PLA2G4D: variants seen among roughly 807,000 people sequenced by gnomAD.
The protein encoded by PLA2G4D is phospholipase A2 group IVD.
In PLA2G4D, 80 loss-of-function variants were observed where a neutral mutation model predicts 94.4. The ratio of observed to expected loss-of-function variants is 0.85; its 90% CI spans 0.71 to 1.02. The LOEUF (loss-of-function observed/expected upper bound fraction) is 1.02, where lower values mean the gene tolerates loss of function less well. Ranked by LOEUF, PLA2G4D falls within the 50% of genes least tolerant of loss-of-function variation. The pLI is 0.00. For synonymous variants in PLA2G4D, 438 were observed against 440.9 expected, an observed-to-expected ratio of 0.99 and a Z score of 0.08; for missense variants, 1,050 against 1,034.7, an observed-to-expected ratio of 1.01 and a Z score of -0.20.
intron 1 of PLA2G4D, among the ~76,000 whole-genome samples, chr15:42,088,014 G>C (rs1456731077): frequency 6.6e-6 from 1 of 152,196 alleles, no homozygotes; most frequent in African/African-American, 2.4e-5. Context: ...CCAAGGAGTG[G>C]CAACCACAGA....
At chr15:42,077,076 AT>A (rs34386951) in intron 13 of PLA2G4D, among the ~76,000 whole-genome samples, 49,129 of 152,060 alleles carry the variant, frequency 0.32, 8,635 homozygotes, top group Admixed American at 0.44. Context: ...AAGCAATGAG[AT>A]TGAAGCAGTA....
rs1052032334 is a variant in PLA2G4D at position 42,068,633 on chromosome 15, C to T, written c.*82G>A. 14 of 1,372,380 alleles carry T rather than the reference C, an allele frequency of 1.0e-5. No homozygotes were observed. Among genetic ancestry groups the T allele is most frequent in the Non-Finnish European group, 1.3e-5 (13 of 1,010,780 alleles). The allele number at this position is 1,372,380 out of a possible 1,614,324, so 85.0% of individuals were successfully genotyped here. Reference sequence around the variant, plus strand: ...GGCCTGGGAGAGCCCAGAACTCCAACCAGGAAGGCCTGTGGCTGAGCCCAG... The same window carrying T: ...GGCCTGGGAGAGCCCAGAACTCCAATCAGGAAGGCCTGTGGCTGAGCCCAG... On this transcript the variant is annotated 3_prime_UTR_variant, in exon 20 of 20. Coordinates refer to ENST00000290472, the MANE Select transcript of PLA2G4D (RefSeq NM_178034.4).
chr15:42,083,084 T>C, intron 8 of PLA2G4D, 114 bp downstream of exon 8: 1 of 1,410,442 alleles, frequency 7.1e-7, no homozygotes, highest in African/African-American at 1.4e-5. Context: ...TAGGGGAGGC[T>C]GACAAGGCCA....
rs149532774 is a variant in PLA2G4D, at chr15:42,085,961, G to A, written c.387+252C>T. Among the ~76,000 whole-genome samples the A allele has an allele frequency of 9.8e-5, 15 of 152,384 alleles. 1 individual carries two copies. In the East Asian group the frequency reaches 2.9e-3, roughly 29 times the overall value. ...GGCACCACCAGCAGGAGTGATGGAT[G>A]CTGAGCTGTGTTTTGAGGGGTGGCC... On this transcript the variant is annotated intron_variant, in intron 4 of 19. Transcript: ENST00000290472.
chr15:42,085,464 C>A, intron 5 of PLA2G4D, 27 bp downstream of exon 5: 1 of 1,613,466 alleles, frequency 6.2e-7, no homozygotes, highest in South Asian at 1.1e-5. Flanking sequence ...TCCTGAGACA[C>A]TCCCTGGGCT....
At position 42,081,474 on chromosome 15, in the gene PLA2G4D, C is replaced by T. The variant is rs745473758; in HGVS notation, c.957+5G>A. 16 of 1,613,144 alleles carry T rather than the reference C, an allele frequency of 9.9e-6. No homozygotes were observed. In the African/African-American group the frequency reaches 1.2e-4, roughly 12 times the overall value. Reference sequence around the variant, plus strand: ...CTGCACACACATCCCTCTGCACCCCCAGACCTCATCCTCCTGCAGGTCTCT... The same window carrying T: ...CTGCACACACATCCCTCTGCACCCCTAGACCTCATCCTCCTGCAGGTCTCT... On this transcript the variant is annotated splice_donor_5th_base_variant and intron_variant, in intron 11 of 19. Coordinates refer to ENST00000290472, the MANE Select transcript of PLA2G4D (RefSeq NM_178034.4).
rs1021459461 is a variant in PLA2G4D, at chr15:42,072,372, T to C, written c.1338A>G (p.Ser446=). The C allele has an allele frequency of 6.2e-7, 1 of 1,612,880 alleles. No individual in the cohort carries two copies. The highest frequency in any genetic ancestry group is 8.5e-7 in the Non-Finnish European group (1 of 1,179,954). ...LHGQVMDQKL[S]GQRAALERGQ... The stretch of plus-strand genomic sequence containing the variant: ...CCCGTTCCAGGGCGGCTCTCTGTCC[T>C]GACAGCTTCTGATCCATCACCTGGG... The change falls in exon 14 of 20, where the codon TCA becomes TCG. Residue 446 remains serine (S), a synonymous_variant. Transcript: ENST00000290472.
chr15:42,091,695 C>T (rs1486618288), intron 1 of PLA2G4D, among the ~76,000 whole-genome samples: 1 of 152,210 alleles, frequency 6.6e-6, no homozygotes, highest in Non-Finnish European at 1.5e-5. Context: ...CCCTGTGATG[C>T]TGTGCTTCAG....
chr15:42,075,934 G>A (rs934429091), intron 13 of PLA2G4D, among the ~76,000 whole-genome samples: 9 of 143,790 alleles, frequency 6.3e-5, no homozygotes, highest in Non-Finnish European at 1.2e-4. Context: ...GAGGGGAGGG[G>A]AGAGGAAGAA....
intron 1 of PLA2G4D, among the ~76,000 whole-genome samples, chr15:42,088,181 C>T (rs1463190426): frequency 6.6e-6 from 1 of 152,236 alleles, no homozygotes; most frequent in Non-Finnish European, 1.5e-5. Flanking sequence ...TGAGCCTCAG[C>T]AGCCCAGTCC....
intron 19 of PLA2G4D, 38 bp downstream of exon 19, chr15:42,069,871 G>A: frequency 7.3e-7 from 1 of 1,373,378 alleles, no homozygotes; most frequent in Non-Finnish European, 9.5e-7. Flanking sequence ...GCCTCTGAGG[G>A]GCCAGGCAGC....
chr15:42,090,182 T>A (rs913872630), intron 1 of PLA2G4D, among the ~76,000 whole-genome samples: 1 of 151,442 alleles, frequency 6.6e-6, no homozygotes, highest in African/African-American at 2.4e-5. Context: ...CTCTGTTTCC[T>A]CATGTGTAGT....
chr15:42,087,177 A>T, intron 3 of PLA2G4D, 123 bp downstream of exon 3: 16 of 1,301,164 alleles, frequency 1.2e-5, no homozygotes, highest in Non-Finnish European at 1.7e-5. Flanking sequence ...GCCAGGGCAC[A>T]GAGACCCCCT....
At chr15:42,080,417 G>T (rs1040062201) in intron 12 of PLA2G4D, among the ~76,000 whole-genome samples, 12 of 152,216 alleles carry the variant, frequency 7.9e-5, no homozygotes, top group Admixed American at 6.5e-4. Context: ...GCTGCGGGGT[G>T]AGGGCGTAGG....
rs1447131609 is a variant in PLA2G4D, at chr15:42,085,520, C to T, written c.399G>A (p.Glu133=). The T allele has an allele frequency of 1.2e-6, 2 of 1,613,646 alleles. No homozygotes were observed. The highest frequency in any genetic ancestry group is 1.7e-6 in the Non-Finnish European group (2 of 1,179,540). The change falls in exon 5 of 20, where the codon GAG becomes GAA. Residue 133 remains glutamate (E), a synonymous_variant. Transcript: ENST00000290472. The part of the protein sequence containing the change: ...TFSQSPQGEE[E]LDVEFLMEET... ...CTTCCATCAGGAACTCCACATCCAGCTCCTCCTCTCCCTGAAATCAGAGAG... is the reference window on the plus strand; with the variant it reads ...CTTCCATCAGGAACTCCACATCCAGTTCCTCCTCTCCCTGAAATCAGAGAG...
intron 13 of PLA2G4D, among the ~76,000 whole-genome samples, chr15:42,074,135 T>C (rs534629174): frequency 6.6e-6 from 1 of 152,332 alleles, no homozygotes; most frequent in African/African-American, 2.4e-5. Flanking sequence ...TGTGTCCTTT[T>C]ACTATAGTTG....
At position 42,085,134 on chromosome 15, in the gene PLA2G4D, C is replaced by G. The variant is rs780408877; in HGVS notation, c.433G>C (p.Asp145His). The G allele has an allele frequency of 6.2e-7, 1 of 1,614,228 alleles. No homozygotes were observed. Among genetic ancestry groups the G allele is most frequent in the South Asian group, 1.1e-5 (1 of 91,086 alleles). The change falls in exon 6 of 20, where the codon GAT becomes CAT. Residue 145 changes from aspartate to histidine, a missense_variant. Transcript: ENST00000290472. ...TTGGTGATGAGGTTTTCTGGGCGAT[C>G]TGACCTGGAAAAATCAAACCATGCA... ...DVEFLMEETSDRPENLITNKV... is the reference protein window; with the variant it reads ...DVEFLMEETSHRPENLITNKV...
At chr15:42,077,740 T>G (rs139416367) in intron 13 of PLA2G4D, among the ~76,000 whole-genome samples, 1,600 of 152,340 alleles carry the variant, frequency 0.011, 24 homozygotes, top group African/African-American at 0.037. Context: ...TATCCAGAGA[T>G]TTTTACTCCT....
In PLA2G4D at chr15:42,068,734, G is replaced by A. The variant is rs1889734876; in HGVS notation, c.2438C>T (p.Pro813Leu). ...GCAACCTCAGGTCTGTGCCCTTGGAGGCCTCGCCTCTAGAGTCCGGTGCTT... is the reference window on the plus strand; with the variant it reads ...GCAACCTCAGGTCTGTGCCCTTGGAAGCCTCGCCTCTAGAGTCCGGTGCTT... ...ALKHRTLEARPPRAQT is the reference protein window; with the variant it reads ...ALKHRTLEARLPRAQT The change falls in exon 20 of 20, where the codon CCT becomes CTT. Residue 813 changes from proline to leucine, a missense_variant. Coordinates refer to ENST00000290472, the MANE Select transcript of PLA2G4D (RefSeq NM_178034.4). 1 of 1,608,302 alleles carries A rather than the reference G, an allele frequency of 6.2e-7. No homozygotes were observed. The highest frequency in any genetic ancestry group is 8.5e-7 in the Non-Finnish European group (1 of 1,177,218).
Sources: allele counts gnomAD v4.1 joint callset (sites outside exome capture counted in the v4.1 genomes callset), GRCh38; gene constraint gnomAD v4.1.1; transcripts MANE v1.5; gene names NCBI Gene and HGNC (gene_info 2026-07-23, HGNC 2026-07-21).